VPS13B: variants seen among roughly 807,000 people sequenced by gnomAD.
VPS13B encodes intermembrane lipid transfer protein VPS13B.
In VPS13B, 285 loss-of-function variants were observed where a neutral mutation model predicts 426.4. That is an observed-to-expected ratio of 0.67 (90% CI 0.61 to 0.74). The LOEUF is 0.74. Ranked by LOEUF, VPS13B falls within the 30% of genes least tolerant of loss-of-function variation. The pLI, the probability that VPS13B is intolerant of heterozygous loss-of-function variation, is 0.00. For missense variants in VPS13B, 4,537 were observed against 4,782.6 expected (o/e 0.95, Z 1.51); for synonymous variants, 1,676 against 1,676.4 (o/e 1.00, Z 0.01).
chr8:99,392,859 A>C (rs767400201), intron 21 of VPS13B, among the ~76,000 whole-genome samples: 2 of 152,080 alleles, frequency 1.3e-5, no homozygotes, highest in Non-Finnish European at 2.9e-5. Context: ...GATTTTATCA[A>C]TTGACAAAAA....
chr8:99,670,323 G>A lies in VPS13B; in HGVS notation c.6046+8832G>A, dbSNP rs548755902. On this transcript the variant is annotated intron_variant, in intron 35 of 61. Coordinates refer to ENST00000357162, the MANE Select transcript of VPS13B (RefSeq NM_152564.5). ...AATTGCAAATTTCAAATGGATTTTTGGTTACCTATTTCAAGCTTTATTGAG... is the reference window on the plus strand; with the variant it reads ...AATTGCAAATTTCAAATGGATTTTTAGTTACCTATTTCAAGCTTTATTGAG... Among the ~76,000 whole-genome samples, 13 of 151,852 alleles carry A rather than the reference G, an allele frequency of 8.6e-5. 1 individual carries two copies. The South Asian group carries it at 2.5e-3, about 29-fold the overall frequency.
intron 3 of VPS13B, among the ~76,000 whole-genome samples, chr8:99,073,702 T>A: frequency 6.9e-6 from 1 of 144,168 alleles, no homozygotes; most frequent in Non-Finnish European, 1.5e-5. Flanking sequence ...TTCTTTCCTT[T>A]TTTTTTTTTT....
At chr8:99,155,579 A>C (rs1811318747) in intron 14 of VPS13B, among the ~76,000 whole-genome samples, 1 of 152,236 alleles carries the variant, frequency 6.6e-6, no homozygotes, top group African/African-American at 2.4e-5. Context: ...TAAAAAAGCA[A>C]CATAATTCCT....
chr8:99,654,457 A>C (rs1463838162), intron 34 of VPS13B, among the ~76,000 whole-genome samples: 1 of 152,222 alleles, frequency 6.6e-6, no homozygotes, highest in Non-Finnish European at 1.5e-5. Context: ...ACATAAGAAA[A>C]AGAACAAATT....
chr8:99,364,962 A>C (rs1034096588), intron 19 of VPS13B, among the ~76,000 whole-genome samples: 1 of 152,056 alleles, frequency 6.6e-6, no homozygotes, highest in Admixed American at 6.5e-5. Context: ...ATTACTTGCT[A>C]TTGGTTGGTT....
intron 39 of VPS13B, 41 bp downstream of exon 39, chr8:99,721,088 G>T (rs775251379): frequency 6.3e-7 from 1 of 1,599,918 alleles, no homozygotes; most frequent in Non-Finnish European, 8.6e-7. Context: ...AACATTGTGG[G>T]AAAGGGCTGA....
chr8:99,437,871 T>A (rs979502821), intron 22 of VPS13B, among the ~76,000 whole-genome samples: 1 of 152,142 alleles, frequency 6.6e-6, no homozygotes, highest in African/African-American at 2.4e-5. Flanking sequence ...AGCACATAAT[T>A]GGCAATAGTA....
intron 17 of VPS13B, among the ~76,000 whole-genome samples, chr8:99,211,820 C>A (rs1815104040): frequency 6.6e-6 from 1 of 152,134 alleles, no homozygotes; most frequent in South Asian, 2.1e-4. Flanking sequence ...TACTTTTGTT[C>A]TTTCAGTAGT....
At chr8:99,456,971 G>A (rs944193547) in intron 23 of VPS13B, among the ~76,000 whole-genome samples, 3 of 151,238 alleles carry the variant, frequency 2.0e-5, no homozygotes, top group South Asian at 2.1e-4. Context: ...TAATTTCTTT[G>A]TTATAGGTCT....
Position 99,590,327 on chromosome 8 carries a change from C to T in VPS13B, c.5220+12694C>T, listed in dbSNP as rs1826564796. On this transcript the variant is annotated intron_variant, in intron 33 of 61. Coordinates refer to ENST00000357162, the MANE Select transcript of VPS13B (RefSeq NM_152564.5). ...ATTTTTTGAAGGGTTTTTTGTGTCT[C>T]TGTCTCTTTCAGTTCTGCTCTGATC... 3.9e-5 allele frequency among the ~76,000 whole-genome samples: 6 copies of T among 152,180 alleles called. No individual in the cohort carries two copies. The South Asian group carries it at 1.2e-3, about 32-fold the overall frequency.
At chr8:99,588,035 C>A (rs547909394) in intron 33 of VPS13B, among the ~76,000 whole-genome samples, 3 of 151,810 alleles carry the variant, frequency 2.0e-5, no homozygotes, top group African/African-American at 7.3e-5. Flanking sequence ...CAGCTTTCTA[C>A]ATATGGTTAG....
chr8:99,345,449 G>T (rs914761146), intron 19 of VPS13B, among the ~76,000 whole-genome samples: 2 of 152,204 alleles, frequency 1.3e-5, no homozygotes, highest in Non-Finnish European at 2.9e-5. Flanking sequence ...CCAACCGTGG[G>T]CTATATAAAG....
chr8:99,708,888 A>G (rs752150412), intron 36 of VPS13B, among the ~76,000 whole-genome samples: 247 of 151,568 alleles, frequency 1.6e-3, no homozygotes, highest in Non-Finnish European at 1.2e-3. Flanking sequence ...CGCTCTCTAT[A>G]TATGGGCTTA....
chr8:99,406,956 T>C (rs1815366540), intron 21 of VPS13B, among the ~76,000 whole-genome samples: 1 of 152,164 alleles, frequency 6.6e-6, no homozygotes, highest in Admixed American at 6.6e-5. Flanking sequence ...AAGACACTGA[T>C]TGGAGTAAAG....
At chr8:99,151,742 A>T (rs1397734653) in intron 14 of VPS13B, among the ~76,000 whole-genome samples, 1 of 152,092 alleles carries the variant, frequency 6.6e-6, no homozygotes, top group Non-Finnish European at 1.5e-5. Flanking sequence ...CATGTCAGTC[A>T]GGCTGGTCTT....
rs565343410 is a variant in VPS13B at position 99,395,212 on chromosome 8, G to A, written c.3082+3508G>A. On this transcript the variant is annotated intron_variant, in intron 21 of 61. Coordinates refer to ENST00000357162, the MANE Select transcript of VPS13B (RefSeq NM_152564.5). ...GAGACAGGAACTGAAGTTAAGGGAG[G>A]CAGAGATGACTAGAAATTATGGAAT... is the stretch of plus-strand genomic sequence containing the variant. Among the ~76,000 whole-genome samples, 11 of 152,326 alleles carry A rather than the reference G, an allele frequency of 7.2e-5. No individual in the cohort carries two copies. In the East Asian group the frequency reaches 1.9e-3, roughly 27 times the overall value.
At chr8:99,478,447 G>GTTTTTTTTTTTTGT (rs1819824769) in intron 24 of VPS13B, among the ~76,000 whole-genome samples, 1 of 85,776 alleles carries the variant, frequency 1.2e-5, no homozygotes. Flanking sequence ...TTTTTGTTTT[G>GTTTTTTTTTTTTGT]TTTTTTTTTT....
rs1208908786 is a variant in VPS13B at position 99,875,515 on chromosome 8, C to T, written c.11843C>T (p.Ser3948Phe). 6.2e-7 allele frequency: 1 copy of T among 1,614,156 alleles called. No homozygotes were observed. Among genetic ancestry groups the T allele is most frequent in the East Asian group, 2.2e-5 (1 of 44,882 alleles). Residue 3948 changes from serine (S) to phenylalanine (F), a missense_variant, in exon 62 of 62, where the codon TCC (serine) becomes TTC (phenylalanine). This residue lies in a region of VPS13B where 4,311 missense variants were observed against 4,474.3 expected (regional missense o/e 0.96). Coordinates refer to ENST00000357162, the MANE Select transcript of VPS13B (RefSeq NM_152564.5). ...TSCHLAPSCSSMQIPCPVVAA... is the reference protein window; with the variant it reads ...TSCHLAPSCSFMQIPCPVVAA... ...TGTCACCTGGCCCCCAGCTGTTCTT[C>T]CATGCAAATACCATGCCCTGTGGTG...
intron 31 of VPS13B, among the ~76,000 whole-genome samples, chr8:99,574,467 A>G (rs1410151486): frequency 6.6e-6 from 1 of 152,110 alleles, no homozygotes; most frequent in Non-Finnish European, 1.5e-5. Context: ...TATTTTGAGA[A>G]ATGTCCCATC....
Sources: allele counts gnomAD v4.1 joint callset (sites outside exome capture counted in the v4.1 genomes callset), GRCh38; gene constraint gnomAD v4.1.1; regional missense constraint gnomAD v4.1.1; transcripts MANE v1.5; gene names NCBI Gene and HGNC (gene_info 2026-07-23, HGNC 2026-07-21).